OPRM1: variants seen among roughly 807,000 people sequenced by gnomAD.
OPRM1 encodes opioid receptor mu 1.
A neutral mutation model predicts 31.8 loss-of-function variants in OPRM1; 27 were observed. That is an observed-to-expected ratio of 0.85 (90% CI 0.63 to 1.17). The LOEUF (loss-of-function observed/expected upper bound fraction) is 1.17, where lower values mean the gene tolerates loss of function less well. OPRM1 is among the 50% of genes most tolerant of loss of function. OPRM1 has a pLI of 0.00. For missense variants in OPRM1, 536 were observed against 511.1 expected, an observed-to-expected ratio of 1.05 and a Z score of -0.47; for synonymous variants, 196 against 189.9, an observed-to-expected ratio of 1.03 and a Z score of -0.26.
chr6:154,103,557 A>C (rs570490599), intron 3 of OPRM1, among the ~76,000 whole-genome samples: 1 of 152,290 alleles, frequency 6.6e-6, no homozygotes, highest in East Asian at 1.9e-4. Context: ...TAGGTTTATA[A>C]ACTTTTTTTT....
intron 3 of OPRM1, among the ~76,000 whole-genome samples, chr6:154,201,224 G>A (rs1047056626): frequency 2.0e-5 from 3 of 152,160 alleles, no homozygotes; most frequent in Non-Finnish European, 2.9e-5. Context: ...TTACAGAGGT[G>A]TGAAAATGGA....
At chr6:154,087,108 G>A in intron 1 of OPRM1, 1 of 985,276 alleles carries the variant, frequency 1.0e-6, no homozygotes. Flanking sequence ...CATTAAGAAA[G>A]TGAAACTCCC....
At chr6:154,221,277 C>T (rs906446076) in intron 3 of OPRM1, 2 of 1,613,924 alleles carry the variant, frequency 1.2e-6, no homozygotes. Context: ...CCTGCACATT[C>T]TCAGCTGCAA....
At chr6:154,080,846 G>GAT (rs976374483) in intron 1 of OPRM1, among the ~76,000 whole-genome samples, 77 of 152,312 alleles carry the variant, frequency 5.1e-4, no homozygotes, top group African/African-American at 1.7e-3. Context: ...GTTAGACAAT[G>GAT]ATATTATCAT....
chr6:154,116,596 A>AAG (rs1796905154), intron 3 of OPRM1, among the ~76,000 whole-genome samples: 1 of 151,898 alleles, frequency 6.6e-6, no homozygotes, highest in African/African-American at 2.4e-5. Flanking sequence ...AAAAAAAAAA[A>AAG]AAAAGAAAAG....
At chr6:154,241,750 GCTGCTAGGTT>G (rs1780614119) in intron 3 of OPRM1, among the ~76,000 whole-genome samples, 1 of 152,060 alleles carries the variant, frequency 6.6e-6, no homozygotes, top group Non-Finnish European at 1.5e-5. Context: ...CCAATCTATT[GCTGCTAGGTT>G]CATATTTTTC....
At chr6:154,209,763 A>G (rs1417449821) in intron 3 of OPRM1, among the ~76,000 whole-genome samples, 2 of 152,196 alleles carry the variant, frequency 1.3e-5, no homozygotes, top group Non-Finnish European at 2.9e-5. Context: ...AGAAGAAAAC[A>G]AAAACAAAAT....
chr6:154,039,611 T>C lies in OPRM1; in HGVS notation c.67T>C (p.Ser23Pro), dbSNP rs777485603. Reference protein sequence around the residue: ...CTDALAYSSCSPAPSPGSWVN... With the variant: ...CTDALAYSSCPPAPSPGSWVN... ...TGATGCCTTGGCGTACTCAAGTTGC[T>C]CCCCAGCACCCAGCCCCGGTTCCTG... The change falls in exon 1 of 4, where the codon TCC becomes CCC. Residue 23 changes from serine to proline, a missense_variant. By Grantham distance (74) the Ser-to-Pro change is moderately conservative. Transcript: ENST00000330432. 1.2e-5 allele frequency: 20 copies of C among 1,613,638 alleles called. No homozygotes were observed. In the African/African-American group the frequency reaches 2.5e-4, roughly 20 times the overall value.
intron 3 of OPRM1, among the ~76,000 whole-genome samples, chr6:154,218,738 A>G (rs933789649): frequency 2.0e-5 from 3 of 152,224 alleles, no homozygotes; most frequent in South Asian, 2.1e-4. Context: ...TATTATAAAC[A>G]TGAGAAGTTA....
Position 154,186,592 on chromosome 6 carries a change from T to G in OPRM1, c.1165-60101T>G, listed in dbSNP as rs533433003. Among the ~76,000 whole-genome samples the G allele has an allele frequency of 1.5e-3, 234 of 152,196 alleles. 1 individual carries two copies. The highest frequency in any genetic ancestry group is 3.1e-3 in the South Asian group (15 of 4,818). On this transcript the variant is annotated intron_variant, in intron 3 of 3. Coordinates refer to the OPRM1 transcript ENST00000337049. ...TTTTTTTTGAGACGGAGTCTCGCTT[T>G]GTCGCCCAGGCTGGAGTGCAGTGGT...
chr6:154,147,746 G>A (rs1267132723), intron 3 of OPRM1, among the ~76,000 whole-genome samples: 1 of 152,162 alleles, frequency 6.6e-6, no homozygotes, highest in African/African-American at 2.4e-5. Context: ...TCAGGCATAG[G>A]TTTACTGGAA....
chr6:154,061,921 C>A (rs749319565), intron 1 of OPRM1, among the ~76,000 whole-genome samples: 1 of 151,966 alleles, frequency 6.6e-6, no homozygotes, highest in Non-Finnish European at 1.5e-5. Context: ...AAATATAATG[C>A]GTTCTATGAA....
intron 3 of OPRM1, among the ~76,000 whole-genome samples, chr6:154,202,660 C>A (rs1777165315): frequency 6.6e-6 from 1 of 152,208 alleles, no homozygotes; most frequent in Non-Finnish European, 1.5e-5. Context: ...TGCTACAGGA[C>A]TGTCTGTAAG....
rs1480859830 is a variant in OPRM1 at position 154,130,823 on chromosome 6, G to GA, written c.*12108dup. ...TTCCATTATTTTAATGGGAATTAAA[G>GA]AAAAAATGCCTGTTTTCACTAAGTC... On this transcript the variant is annotated 3_prime_UTR_variant, in exon 4 of 4. Coordinates refer to ENST00000330432, the MANE Select transcript of OPRM1 (RefSeq NM_000914.5). Among the ~76,000 whole-genome samples, 3 of 151,750 alleles carry GA rather than the reference G, an allele frequency of 2.0e-5. No individual in the cohort carries two copies. Among genetic ancestry groups the GA allele is most frequent in the Non-Finnish European group, 2.9e-5 (2 of 67,914 alleles).
intron 3 of OPRM1, among the ~76,000 whole-genome samples, chr6:154,105,371 T>C (rs117324082): frequency 0.014 from 2,072 of 152,352 alleles, 23 homozygotes; most frequent in Non-Finnish European, 0.024. Flanking sequence ...TAGTTTTCTA[T>C]TGGTTTACTG....
chr6:154,167,973 G>A (rs1583689213), intron 3 of OPRM1: 5 of 1,607,938 alleles, frequency 3.1e-6, no homozygotes, highest in Non-Finnish European at 4.3e-6. Flanking sequence ...TTTATAGATG[G>A]ATTTTTACAC....
chr6:154,246,510 C>T (rs1781057166), intron 3 of OPRM1: 1 of 1,440,060 alleles, frequency 6.9e-7, no homozygotes, highest in African/African-American at 1.4e-5. Context: ...TCAAAATGAA[C>T]TTTCCCATAG....
At chr6:154,174,866 T>A (rs911406404) in intron 3 of OPRM1, among the ~76,000 whole-genome samples, 3 of 152,142 alleles carry the variant, frequency 2.0e-5, no homozygotes, top group Admixed American at 6.5e-5. Context: ...CAACAGAATA[T>A]AGATTTTTCT....
chr6:154,100,460 T>C (rs1237025704), intron 3 of OPRM1, among the ~76,000 whole-genome samples: 3 of 151,654 alleles, frequency 2.0e-5, no homozygotes, highest in Non-Finnish European at 4.4e-5. Context: ...AAATTAACCA[T>C]CTTGTCTTTC....
Sources: gnomAD v4.1 joint callset for allele counts (sites outside exome capture counted in the v4.1 genomes callset) on GRCh38, gnomAD v4.1.1 for gene constraint, MANE v1.5 for transcripts, NCBI Gene and HGNC (gene_info 2026-07-23, HGNC 2026-07-21) for gene names.